LINGO2: variants seen among roughly 807,000 people sequenced by gnomAD.
LINGO2 encodes leucine-rich repeat and immunoglobulin-like domain-containing nogo receptor-interacting protein 2.
Under a neutral mutation model 30.6 loss-of-function variants are expected in LINGO2, and 14 were observed. The ratio of observed to expected loss-of-function variants is 0.46; its 90% CI spans 0.30 to 0.72. The LOEUF is 0.72. Among genes scored for constraint, LINGO2 ranks in the 30% least tolerant of loss-of-function variants. LINGO2 has a pLI of 0.07. For missense variants in LINGO2, 729 were observed against 751.7 expected (o/e 0.97, Z 0.35); for synonymous variants, 317 against 288.5 (o/e 1.10, Z -1.00).
At chr9:29,103,915 G>A in the LINGO2 span, among the ~76,000 whole-genome samples, 8 of 152,266 alleles carry the variant, frequency 5.3e-5, no homozygotes, top group East Asian at 5.8e-4. Flanking sequence ...TAATAGCTGC[G>A]CCTCATGAAT....
chr9:27,999,474 C>T (rs1049362048), intron 5 of LINGO2, among the ~76,000 whole-genome samples: 2 of 125,488 alleles, frequency 1.6e-5, no homozygotes, highest in African/African-American at 5.9e-5. Flanking sequence ...GAGAGAGAGT[C>T]TGTGTGATGC....
At chr9:29,188,014 C>CTTTTT in the LINGO2 span, among the ~76,000 whole-genome samples, 129 of 75,768 alleles carry the variant, frequency 1.7e-3, no homozygotes, top group African/African-American at 2.9e-3. Flanking sequence ...TTGACAGAGT[C>CTTTTT]TTTTTTTTTT....
At chr9:27,963,879 A>C (rs566023182) in intron 5 of LINGO2, among the ~76,000 whole-genome samples, 1 of 152,194 alleles carries the variant, frequency 6.6e-6, no homozygotes, top group South Asian at 2.1e-4. Context: ...GAGTTGTGAA[A>C]GTTGTATAAA....
chr9:28,660,811 A>G lies in LINGO2; in HGVS notation c.-365+9389T>C, dbSNP rs919196256. ...ATAAAACCAATAAAAAAGAGGTAGC[A>G]TCAAAAATAAAAGATTTTAGATGAA... On this transcript the variant is annotated intron_variant, in intron 1 of 5. Coordinates refer to ENST00000379992, the Ensembl canonical transcript of LINGO2. Among the ~76,000 whole-genome samples, 4 of 152,170 alleles carry G rather than the reference A, an allele frequency of 2.6e-5. 1 individual carries two copies. Among genetic ancestry groups the G allele is most frequent in the Admixed American group, 2.6e-4 (4 of 15,264 alleles).
At chr9:28,198,850 G>A (rs186718224) in intron 4 of LINGO2, among the ~76,000 whole-genome samples, 1 of 152,186 alleles carries the variant, frequency 6.6e-6, no homozygotes, top group East Asian at 1.9e-4. Context: ...GGATCTCAGA[G>A]TCAAAATGGA....
the LINGO2 span, among the ~76,000 whole-genome samples, chr9:28,987,982 G>T: frequency 6.6e-6 from 1 of 152,126 alleles, no homozygotes; most frequent in East Asian, 1.9e-4. Context: ...TTTTAGGTTT[G>T]CCTTAGAAGA....
the LINGO2 span, among the ~76,000 whole-genome samples, chr9:29,188,854 C>A: frequency 6.8e-6 from 1 of 148,114 alleles, no homozygotes; most frequent in Admixed American, 6.6e-5. Flanking sequence ...ACCTTCCTCC[C>A]AGACAGGGCG....
chr9:28,002,934 T>A (rs1055625930), intron 5 of LINGO2, among the ~76,000 whole-genome samples: 1 of 152,142 alleles, frequency 6.6e-6, no homozygotes, highest in Non-Finnish European at 1.5e-5. Context: ...TGCCCTACAA[T>A]GGGATGGCAT....
chr9:28,195,876 AT>A (rs1420425715), intron 4 of LINGO2, among the ~76,000 whole-genome samples: 3 of 151,828 alleles, frequency 2.0e-5, no homozygotes, highest in Non-Finnish European at 3.0e-5. Flanking sequence ...CATTTATTGT[AT>A]CAATGTAAAG....
the LINGO2 span, among the ~76,000 whole-genome samples, chr9:29,081,636 C>A: frequency 6.6e-6 from 1 of 152,134 alleles, no homozygotes; most frequent in African/African-American, 2.4e-5. Context: ...AAGAGGAAGT[C>A]AAATTGTCCC....
At chr9:28,201,110 G>A (rs1820216401) in intron 4 of LINGO2, among the ~76,000 whole-genome samples, 1 of 148,958 alleles carries the variant, frequency 6.7e-6, no homozygotes, top group Non-Finnish European at 1.5e-5. Context: ...AAGTTTTAGG[G>A]TACATGTGCA....
At chr9:27,997,553 T>C (rs1427750996) in intron 5 of LINGO2, among the ~76,000 whole-genome samples, 1 of 152,220 alleles carries the variant, frequency 6.6e-6, no homozygotes, top group African/African-American at 2.4e-5. Flanking sequence ...TAAGTACTTT[T>C]ATGCTCAGAC....
At position 28,074,060 on chromosome 9, in the gene LINGO2, C is replaced by T. The variant is rs536376397; in HGVS notation, c.-86-61655G>A. On this transcript the variant is annotated intron_variant, in intron 4 of 5. Coordinates refer to ENST00000379992, the Ensembl canonical transcript of LINGO2. ...TAGGACTCACATTCTTTCCTGGAAG[C>T]ATTTGTTGACTAATTGCATTGAGGG... is the stretch of plus-strand genomic sequence containing the variant. Among the ~76,000 whole-genome samples, 95 of 152,260 alleles carry T rather than the reference C, an allele frequency of 6.2e-4. 1 individual carries two copies. The highest frequency in any genetic ancestry group is 2.2e-3 in the African/African-American group (92 of 41,570).
intron 2 of LINGO2, among the ~76,000 whole-genome samples, chr9:28,389,178 G>T (rs186405566): frequency 4.3e-4 from 66 of 152,100 alleles, no homozygotes; most frequent in African/African-American, 1.5e-3. Context: ...GTTATCTAAA[G>T]TAATTATGTT....
intron 2 of LINGO2, among the ~76,000 whole-genome samples, chr9:28,399,361 C>A (rs371446569): frequency 4.0e-5 from 6 of 151,796 alleles, no homozygotes; most frequent in Non-Finnish European, 1.5e-5. Flanking sequence ...TCATAACATT[C>A]GTTATGAAAG....
At chr9:28,042,650 T>A (rs1479239680) in intron 4 of LINGO2, among the ~76,000 whole-genome samples, 1 of 152,060 alleles carries the variant, frequency 6.6e-6, no homozygotes, top group Non-Finnish European at 1.5e-5. Flanking sequence ...TATGGAAAAA[T>A]TCATATATTC....
At chr9:28,528,549 C>G (rs1381299512) in intron 1 of LINGO2, among the ~76,000 whole-genome samples, 1 of 152,154 alleles carries the variant, frequency 6.6e-6, no homozygotes, top group Admixed American at 6.5e-5. Flanking sequence ...GTCATGCTCT[C>G]TAATTGAACA....
chr9:28,117,923 A>C (rs72724984), intron 4 of LINGO2, among the ~76,000 whole-genome samples: 11,471 of 152,324 alleles, frequency 0.075, 573 homozygotes, highest in Middle Eastern at 0.13. Context: ...TGGGGGCAGC[A>C]AGAATAAAGG....
chr9:28,274,396 T>C (rs978350053), intron 4 of LINGO2, among the ~76,000 whole-genome samples: 1 of 152,192 alleles, frequency 6.6e-6, no homozygotes, highest in Non-Finnish European at 1.5e-5. Flanking sequence ...TAAACTGACA[T>C]CAAGATATAT....
Sources: gnomAD v4.1 joint callset for allele counts (sites outside exome capture counted in the v4.1 genomes callset) on GRCh38, gnomAD v4.1.1 for gene constraint, MANE v1.5 for transcripts, NCBI Gene and HGNC (gene_info 2026-07-23, HGNC 2026-07-21) for gene names.